The following PKHD1 variants were observed in gnomAD, a reference collection of about 807,000 sequenced individuals.
PKHD1 encodes fibrocystin.
A neutral mutation model predicts 412.0 loss-of-function variants in PKHD1; 291 were observed. The ratio of observed to expected loss-of-function variants is 0.71; its 90% CI spans 0.64 to 0.78. The LOEUF (loss-of-function observed/expected upper bound fraction) is 0.78, where lower values mean the gene tolerates loss of function less well. Ranked by LOEUF, PKHD1 falls within the 30% of genes least tolerant of loss-of-function variation. The pLI is 0.00. For missense variants in PKHD1, 4,825 were observed against 4,950.7 expected (o/e 0.97, Z 0.76); for synonymous variants, 1,777 against 1,821.5 (o/e 0.98, Z 0.62).
At chr6:51,641,426 T>A (rs900703071) in intron 63 of PKHD1, among the ~76,000 whole-genome samples, 2 of 152,256 alleles carry the variant, frequency 1.3e-5, no homozygotes, top group Non-Finnish European at 2.9e-5. Context: ...GAAATAGTAA[T>A]CCTTTTACAC....
intron 28 of PKHD1, among the ~76,000 whole-genome samples, chr6:52,034,096 C>T (rs763460414): frequency 6.6e-6 from 1 of 151,286 alleles, no homozygotes; most frequent in Non-Finnish European, 1.5e-5. Flanking sequence ...ACCACTCCAG[C>T]CTGGGCAACA....
intron 43 of PKHD1, among the ~76,000 whole-genome samples, chr6:51,898,716 G>A (rs1780601052): frequency 7.3e-6 from 1 of 137,522 alleles, no homozygotes; most frequent in Non-Finnish European, 1.5e-5. Context: ...AAAAATTAAT[G>A]AATCCAGGAG....
In PKHD1 at chr6:52,017,585, A is replaced by G. The variant is rs1800745753; in HGVS notation, c.5425T>C (p.Cys1809Arg). Residue 1809 changes from cysteine to arginine, a missense_variant, in exon 34 of 67, where the codon TGT becomes CGT. Transcript: ENST00000371117. ...ACATAGGTGTGTCTGGCAGCCTCAC[A>G]GCTGTCCTCCTCACGCTTCAGGCCA... Reference protein sequence around the residue: ...LCGLKREEDSCEAARHTYVQC... With the variant: ...LCGLKREEDSREAARHTYVQC... 1.2e-6 allele frequency: 2 copies of G among 1,613,924 alleles called. No individual in the cohort carries two copies. Among genetic ancestry groups the G allele is most frequent in the East Asian group, 2.2e-5 (1 of 44,902 alleles).
At chr6:52,065,911 C>T (rs1809621778) in intron 12 of PKHD1, 65 bp downstream of exon 12, 1 of 837,504 alleles carries the variant, frequency 1.2e-6, no homozygotes, top group Admixed American at 1.7e-5. Context: ...TCATGCCATA[C>T]AGACATATAA....
chr6:51,722,254 T>A (rs996710546), intron 60 of PKHD1, among the ~76,000 whole-genome samples: 1 of 152,162 alleles, frequency 6.6e-6, no homozygotes, highest in Non-Finnish European at 1.5e-5. Context: ...CATTTCTAGG[T>A]GCTTATCTTA....
intron 51 of PKHD1, among the ~76,000 whole-genome samples, chr6:51,833,477 G>C (rs182933167): frequency 6.6e-6 from 1 of 152,218 alleles, no homozygotes; most frequent in East Asian, 1.9e-4. Flanking sequence ...GGTTCTATAT[G>C]ACTATTATTG....
At chr6:52,022,033 G>A (rs1401187450) in intron 33 of PKHD1, among the ~76,000 whole-genome samples, 5 of 152,166 alleles carry the variant, frequency 3.3e-5, no homozygotes. Context: ...GGCTAAATGT[G>A]AGCTATCTCA....
chr6:52,057,585 T>C (rs1381757398), intron 16 of PKHD1, among the ~76,000 whole-genome samples: 2 of 152,124 alleles, frequency 1.3e-5, no homozygotes, highest in Admixed American at 1.3e-4. Context: ...CCCAGCTAAT[T>C]TTTGTATTTT....
intron 27 of PKHD1, among the ~76,000 whole-genome samples, chr6:52,040,445 C>G (rs1804670686): frequency 6.6e-6 from 1 of 152,156 alleles, no homozygotes; most frequent in African/African-American, 2.4e-5. Flanking sequence ...AGTTCTCACA[C>G]AGCAGCCTAA....
At chr6:51,729,553 T>G (rs1389163255) in intron 60 of PKHD1, among the ~76,000 whole-genome samples, 1 of 152,168 alleles carries the variant, frequency 6.6e-6, no homozygotes, top group South Asian at 2.1e-4. Flanking sequence ...GTTTTATTTA[T>G]TCATTCAACA....
chr6:51,691,645 G>A (rs1778170439), intron 60 of PKHD1, among the ~76,000 whole-genome samples: 1 of 152,088 alleles, frequency 6.6e-6, no homozygotes, highest in Non-Finnish European at 1.5e-5. Context: ...ACAGACATTG[G>A]GGCCTTTTGA....
chr6:52,063,780 G>A (rs1809067105), intron 13 of PKHD1, among the ~76,000 whole-genome samples: 1 of 152,098 alleles, frequency 6.6e-6, no homozygotes, highest in South Asian at 2.1e-4. Context: ...TCCCCCGAGG[G>A]GCAACATTGC....
intron 34 of PKHD1, among the ~76,000 whole-genome samples, chr6:52,016,923 T>C (rs1485301104): frequency 6.6e-6 from 1 of 152,224 alleles, no homozygotes; most frequent in African/African-American, 2.4e-5. Context: ...TATACGCTTA[T>C]GGCTTCTAAA....
At chr6:51,870,431 T>TTTGCCACTA in intron 47 of PKHD1, 73 bp downstream of exon 47, 1 of 1,188,406 alleles carries the variant, frequency 8.4e-7, no homozygotes, top group South Asian at 1.2e-5. Flanking sequence ...TCACAAAGTA[T>TTTGCCACTA]TTGCCACTAT....
intron 36 of PKHD1, among the ~76,000 whole-genome samples, chr6:51,941,683 C>A (rs958825673): frequency 6.6e-6 from 1 of 151,700 alleles, no homozygotes; most frequent in African/African-American, 2.4e-5. Context: ...TGCCTATCCA[C>A]CCCGTGGTGC....
At chr6:51,725,326 T>C (rs1364411181) in intron 60 of PKHD1, among the ~76,000 whole-genome samples, 2 of 152,194 alleles carry the variant, frequency 1.3e-5, no homozygotes, top group Admixed American at 6.5e-5. Flanking sequence ...AACTTTTCTG[T>C]TGCTGTTGGT....
rs1783023293 is a variant in PKHD1, at chr6:51,911,976, G to A, written c.6333-20C>T. The A allele has an allele frequency of 1.9e-6, 3 of 1,594,768 alleles. No homozygotes were observed. The highest frequency in any genetic ancestry group is 1.7e-5 in the Admixed American group (1 of 59,624). On this transcript the variant is annotated intron_variant, in intron 38 of 66. Coordinates refer to ENST00000371117, the MANE Select transcript of PKHD1 (RefSeq NM_138694.4). ...GAATATCTGGAGAAAAAAAGAGGAT[G>A]ATAGAACTGAGGACATCACTCCAAA...
Position 51,906,280 on chromosome 6 carries a change from C to T in PKHD1, c.6743G>A (p.Gly2248Glu), listed in dbSNP as rs566511516. 45 of 1,609,416 alleles carry T rather than the reference C, an allele frequency of 2.8e-5. No individual in the cohort carries two copies. Among genetic ancestry groups the T allele is most frequent in the Non-Finnish European group, 3.7e-5 (43 of 1,176,012 alleles). The stretch of plus-strand genomic sequence containing the variant: ...ACTGTCCACCTTCAGGCCCAAGGTC[C>T]CGCACATGCTGAGGCCTCTACTGAA... ...NSFSRGLSMC[G>E]TLGLKVDSNV... Residue 2248 changes from glycine to glutamate, a missense_variant, in exon 41 of 67, where the codon GGG becomes GAG. Coordinates refer to ENST00000371117, the MANE Select transcript of PKHD1 (RefSeq NM_138694.4).
chr6:51,725,009 T>C (rs1782398339), intron 60 of PKHD1, among the ~76,000 whole-genome samples: 1 of 152,168 alleles, frequency 6.6e-6, no homozygotes, highest in African/African-American at 2.4e-5. Context: ...CTACTACAAA[T>C]GCACCTTTAT....
Sources: gnomAD v4.1 joint callset for allele counts (sites outside exome capture counted in the v4.1 genomes callset) on GRCh38, gnomAD v4.1.1 for gene constraint, MANE v1.5 for transcripts, NCBI Gene and HGNC (gene_info 2026-07-23, HGNC 2026-07-21) for gene names.